The following RFX7 variants were observed in gnomAD, a reference collection of about 807,000 sequenced individuals.
The protein encoded by RFX7 is DNA-binding protein RFX7.
Under a neutral mutation model 111.8 loss-of-function variants are expected in RFX7, and 26 were observed. The observed-to-expected ratio is 0.23, with a 90% confidence interval of 0.17 to 0.32. The LOEUF (loss-of-function observed/expected upper bound fraction) is 0.32, where lower values mean the gene tolerates loss of function less well. Among genes scored for constraint, RFX7 ranks in the 10% least tolerant of loss-of-function variants. The probability of loss-of-function intolerance (pLI) is 1.00; values close to 1 mark genes in which losing one functional copy is unlikely to be tolerated. For missense variants in RFX7, 1,573 were observed against 1,772.9 expected (o/e 0.89, Z 2.02); for synonymous variants, 624 against 624.4 (o/e 1.00, Z 0.01).
intron 2 of RFX7, among the ~76,000 whole-genome samples, chr15:56,186,178 G>A (rs1041253850): frequency 6.6e-6 from 1 of 152,156 alleles, no homozygotes; most frequent in Non-Finnish European, 1.5e-5. Flanking sequence ...AACTTCCTGG[G>A]TCTGTCTGTG....
At chr15:56,238,408 A>C (rs1305645739) in intron 2 of RFX7, among the ~76,000 whole-genome samples, 3 of 152,208 alleles carry the variant, frequency 2.0e-5, no homozygotes, top group Admixed American at 6.5e-5. Context: ...CTTTTATTAT[A>C]ATCTTCAGCC....
intron 5 of RFX7, among the ~76,000 whole-genome samples, chr15:56,134,026 C>G (rs2042254270): frequency 6.6e-6 from 1 of 152,148 alleles, no homozygotes; most frequent in South Asian, 2.1e-4. Flanking sequence ...AGTGGAAGTC[C>G]TGGCCAAATA....
intron 3 of RFX7, among the ~76,000 whole-genome samples, chr15:56,162,923 A>C (rs145880710): frequency 3.4e-4 from 52 of 152,288 alleles, no homozygotes; most frequent in African/African-American, 9.9e-4. Flanking sequence ...AGAAAGAAAA[A>C]ATAAGATTCT....
intron 2 of RFX7, among the ~76,000 whole-genome samples, chr15:56,194,075 T>A (rs2043124620): frequency 6.6e-6 from 1 of 152,180 alleles, no homozygotes; most frequent in African/African-American, 2.4e-5. Context: ...CATTTAGATA[T>A]CTTGTTTGCT....
intron 5 of RFX7, among the ~76,000 whole-genome samples, chr15:56,112,116 GAAAAAAA>G (rs754438474): frequency 1.0e-5 from 1 of 95,720 alleles, no homozygotes; most frequent in African/African-American, 3.9e-5. Context: ...CTTTGCCCCA[GAAAAAAA>G]AAAAAAAAAA....
At chr15:56,152,014 A>G (rs1438506000) in intron 3 of RFX7, among the ~76,000 whole-genome samples, 1 of 152,232 alleles carries the variant, frequency 6.6e-6, no homozygotes, top group Non-Finnish European at 1.5e-5. Context: ...TAACTATCCT[A>G]AATATATACG....
rs900052218 is a variant in RFX7 at position 56,087,394 on chromosome 15, G to T, written c.*5951C>A. On this transcript the variant is annotated 3_prime_UTR_variant, in exon 10 of 10. Coordinates refer to ENST00000559447, the MANE Select transcript of RFX7 (RefSeq NM_022841.7). ...AAAGTCATCATGCCCTGGGCTCCTTGTATCTTGTTGCTCAATCATCCTCAG... is the reference window on the plus strand; with the variant it reads ...AAAGTCATCATGCCCTGGGCTCCTTTTATCTTGTTGCTCAATCATCCTCAG... 4.4e-5 allele frequency: 20 copies of T among 456,450 alleles called. No individual in the cohort carries two copies. The highest frequency in any genetic ancestry group is 7.5e-5 in the Non-Finnish European group (17 of 226,902). The allele number at this position is 456,450 out of a possible 1,614,324, so 28.3% of individuals were successfully genotyped here. A position where few individuals can be genotyped will look rare whatever the true frequency, so the allele number is the denominator to read the frequency against.
Position 56,095,493 on chromosome 15 carries a change from T to A in RFX7, c.2235A>T (p.Glu745Asp), listed in dbSNP as rs751348319. The A allele has an allele frequency of 6.2e-7, 1 of 1,612,812 alleles. No homozygotes were observed. The highest frequency in any genetic ancestry group is 8.5e-7 in the Non-Finnish European group (1 of 1,179,858). The change falls in exon 10 of 10, where the codon GAA (glutamate) becomes GAT (aspartate). Residue 745 changes from glutamate to aspartate, a missense_variant. By Grantham distance (45) the Glu-to-Asp change is conservative (BLOSUM62 2). Transcript: ENST00000559447. ...SALVISDSAL[E>D]QQTTPSSSPD... ...GAGATGATGATGGGGTTGTTTGCTGTTCCAAAGCTGAATCACTGATAACAA... is the reference window on the plus strand; with the variant it reads ...GAGATGATGATGGGGTTGTTTGCTGATCCAAAGCTGAATCACTGATAACAA...
At chr15:56,195,799 T>C (rs890870243) in intron 2 of RFX7, among the ~76,000 whole-genome samples, 6 of 152,230 alleles carry the variant, frequency 3.9e-5, no homozygotes, top group Non-Finnish European at 7.3e-5. Context: ...TGAGAGCCAC[T>C]GCTCTAGAAC....
At chr15:56,110,476 C>T (rs1303127624) in intron 5 of RFX7, among the ~76,000 whole-genome samples, 2 of 125,268 alleles carry the variant, frequency 1.6e-5, no homozygotes, top group African/African-American at 3.0e-5. Context: ...AGCCTCTGCC[C>T]TGCCGCCCCT....
At chr15:56,116,287 G>A (rs1254072157) in intron 5 of RFX7, among the ~76,000 whole-genome samples, 1 of 152,222 alleles carries the variant, frequency 6.6e-6, no homozygotes, top group Admixed American at 6.5e-5. Context: ...GAGAGGTAAA[G>A]ATGGTTTGTA....
intron 2 of RFX7, among the ~76,000 whole-genome samples, chr15:56,237,757 T>G (rs370115961): frequency 6.6e-6 from 1 of 152,204 alleles, no homozygotes; most frequent in African/African-American, 2.4e-5. Flanking sequence ...AGGCTTGGAA[T>G]TGCTTAACTT....
chr15:56,141,579 C>G (rs555730904), intron 5 of RFX7, among the ~76,000 whole-genome samples: 2 of 146,868 alleles, frequency 1.4e-5, no homozygotes, highest in Admixed American at 6.9e-5. Context: ...TTACTGAATT[C>G]AAATTTGCTT....
At chr15:56,193,315 G>C (rs542293984) in intron 2 of RFX7, 1 of 152,348 alleles carries the variant, frequency 6.6e-6, no homozygotes, top group African/African-American at 2.4e-5. Flanking sequence ...AAAGGCGCGT[G>C]TGGTGTTGGG....
chr15:56,103,129 ATTTTTT>A (rs11336124), intron 6 of RFX7, among the ~76,000 whole-genome samples: 24 of 94,444 alleles, frequency 2.5e-4, no homozygotes, highest in African/African-American at 7.4e-4. Flanking sequence ...GTTCCATAAG[ATTTTTT>A]TTTTTTTTTT....
At chr15:56,181,084 T>A (rs556164363) in intron 2 of RFX7, among the ~76,000 whole-genome samples, 1 of 152,188 alleles carries the variant, frequency 6.6e-6, no homozygotes, top group African/African-American at 2.4e-5. Flanking sequence ...ATGACATTAG[T>A]CCTTTGCTCC....
At chr15:56,210,898 C>A (rs1472998861) in intron 2 of RFX7, among the ~76,000 whole-genome samples, 1 of 151,750 alleles carries the variant, frequency 6.6e-6, no homozygotes, top group Non-Finnish European at 1.5e-5. Flanking sequence ...GAAAAGAAGG[C>A]TTAAAAAAGA....
At position 56,241,043 on chromosome 15, in the gene RFX7, T is replaced by A. The variant is rs72740507; in HGVS notation, c.161+2082A>T. 4.2e-3 allele frequency among the ~76,000 whole-genome samples: 638 copies of A among 152,270 alleles called. 1 individual carries two copies. The highest frequency in any genetic ancestry group is 6.9e-3 in the Non-Finnish European group (470 of 67,962). On this transcript the variant is annotated intron_variant, in intron 2 of 9. Coordinates refer to ENST00000559447, the MANE Select transcript of RFX7 (RefSeq NM_022841.7). ...TCTACAAATGTTGTTTATTCCGAAA[T>A]TTTAAGTATATAAAAATCATTTTTG...
chr15:56,150,798 G>T (rs1203969219), intron 3 of RFX7, among the ~76,000 whole-genome samples: 4 of 152,172 alleles, frequency 2.6e-5, no homozygotes, highest in African/African-American at 9.7e-5. Flanking sequence ...CTAACCCAAT[G>T]CAAGGAAGCT....
Sources: gnomAD v4.1 joint callset for allele counts (sites outside exome capture counted in the v4.1 genomes callset) on GRCh38, gnomAD v4.1.1 for gene constraint, MANE v1.5 for transcripts, NCBI Gene and HGNC (gene_info 2026-07-23, HGNC 2026-07-21) for gene names.